DOC2B: variants seen among roughly 807,000 people sequenced by gnomAD.
DOC2B encodes double C2-like domain-containing protein beta.
A neutral mutation model predicts 28.9 loss-of-function variants in DOC2B; 21 were observed. The observed-to-expected ratio is 0.73, with a 90% CI of 0.52 to 1.05. The LOEUF is 1.05. DOC2B is among the 50% of genes least tolerant of loss of function. DOC2B has a pLI of 0.00. For synonymous variants in DOC2B, 194 were observed against 178.1 expected, an observed-to-expected ratio of 1.09 and a Z score of -0.71; for missense variants, 384 against 421.1, an observed-to-expected ratio of 0.91 and a Z score of 0.77.
intron 8 of DOC2B, among the ~76,000 whole-genome samples, 163 bp from the exon 9 acceptor site, chr17:147,740 C>T (rs1205064431): frequency 5.3e-5 from 8 of 152,200 alleles, no homozygotes; most frequent in African/African-American, 1.9e-4. Context: ...ACTCTGGCCC[C>T]GTCAGGGCCC....
At chr17:177,179 T>C (rs1437534995) in intron 1 of DOC2B, among the ~76,000 whole-genome samples, 1 of 152,158 alleles carries the variant, frequency 6.6e-6, no homozygotes, top group Non-Finnish European at 1.5e-5. Context: ...AGGCCGGCAC[T>C]GCAGGGGGGA....
chr17:152,885 T>A (rs1452399093), intron 6 of DOC2B, among the ~76,000 whole-genome samples: 2 of 152,196 alleles, frequency 1.3e-5, no homozygotes, highest in Non-Finnish European at 2.9e-5. Context: ...CCTCCCTTTC[T>A]TCTGGGGCAC....
At position 162,188 on chromosome 17, in the gene DOC2B, T is replaced by G. The variant is rs547373630; in HGVS notation, c.531A>C (p.Ala177=). The G allele has an allele frequency of 6.4e-7, 1 of 1,550,444 alleles. No homozygotes were observed. Among genetic ancestry groups the G allele is most frequent in the Non-Finnish European group, 8.7e-7 (1 of 1,145,744 alleles). Residue 177 remains alanine (A), a splice_region_variant and synonymous_variant, in exon 4 of 9, where the codon GCA becomes GCC. Transcript: ENST00000613549. ...KLHLLPGASK[A]NKLRTKTLRN... ...GGAGAGTTTTTGTTCTGAGCTTATT[T>G]GCCTGGAGAAGAGAAAAATGATCTT...
chr17:177,662 G>A (rs2040386115), intron 1 of DOC2B, among the ~76,000 whole-genome samples: 1 of 152,260 alleles, frequency 6.6e-6, no homozygotes, highest in Non-Finnish European at 1.5e-5. Context: ...CCTCAGGTCA[G>A]AGGTTGCCTC....
rs181496007 is a variant in DOC2B, at chr17:156,618, C to A, written c.766-241G>T. 2.9e-4 allele frequency among the ~76,000 whole-genome samples: 44 copies of A among 152,360 alleles called. No homozygotes were observed. In the East Asian group the frequency reaches 8.1e-3, roughly 28 times the overall value. ...CTTGGCTGCATGTGGCCTACGGTGG[C>A]CTTCACAGCCCAGCAAGGGCCAGCC... is the stretch of plus-strand genomic sequence containing the variant. On this transcript the variant is annotated intron_variant, in intron 5 of 8. Transcript: ENST00000613549.
chr17:160,251 C>T (rs961139583), intron 5 of DOC2B, among the ~76,000 whole-genome samples: 85 of 152,060 alleles, frequency 5.6e-4, no homozygotes, highest in African/African-American at 2.0e-3. Flanking sequence ...TAAGATGTTG[C>T]CTTTCTTAAG....
chr17:170,039 C>T (rs756595121), intron 2 of DOC2B, among the ~76,000 whole-genome samples: 121 of 152,332 alleles, frequency 7.9e-4, no homozygotes, highest in Non-Finnish European at 1.6e-3. Context: ...GCCCTGGTGT[C>T]TGGCATGGAG....
chr17:158,474 C>T (rs2040161581), intron 5 of DOC2B, among the ~76,000 whole-genome samples: 1 of 152,206 alleles, frequency 6.6e-6, no homozygotes, highest in Admixed American at 6.5e-5. Context: ...GTGAGGTGAG[C>T]AGGGATGTTG....
At chr17:174,869 A>T (rs766563767) in intron 1 of DOC2B, among the ~76,000 whole-genome samples, 4 of 152,204 alleles carry the variant, frequency 2.6e-5, no homozygotes, top group Admixed American at 6.5e-5. Flanking sequence ...CTGTCATCCC[A>T]GCAGTTTGGG....
At chr17:175,721 G>T (rs774544466) in intron 1 of DOC2B, among the ~76,000 whole-genome samples, 4 of 152,220 alleles carry the variant, frequency 2.6e-5, no homozygotes, top group Non-Finnish European at 5.9e-5. Context: ...ATTTCTGCCT[G>T]TTTCCCAACC....
intron 1 of DOC2B, among the ~76,000 whole-genome samples, chr17:177,866 G>T (rs928121791): frequency 6.6e-6 from 1 of 152,286 alleles, no homozygotes; most frequent in Non-Finnish European, 1.5e-5. Context: ...CTTTGTGGTG[G>T]ACTCAACCCC....
chr17:145,542 A>G lies in DOC2B; in HGVS notation c.*1899T>C, dbSNP rs982444268. The G allele has an allele frequency of 6.5e-6, 1 of 153,074 alleles. No homozygotes were observed. Among genetic ancestry groups the G allele is most frequent in the Non-Finnish European group, 1.5e-5 (1 of 68,536 alleles). 9.5% of individuals were successfully genotyped at this position (153,074 alleles called of 1,614,324 possible). Reference sequence around the variant, plus strand: ...GGCAGGGAGACAAGTCTCCAGGAGCAGCAGGTGGCCAGGGACTGTGTGGGG... The same window carrying G: ...GGCAGGGAGACAAGTCTCCAGGAGCGGCAGGTGGCCAGGGACTGTGTGGGG... On this transcript the variant is annotated 3_prime_UTR_variant, in exon 9 of 9. Transcript: ENST00000613549.
rs887885598 is a variant in DOC2B at position 143,493 on chromosome 17, G to C, written c.*3948C>G. 1 of 151,962 alleles carries C rather than the reference G, an allele frequency of 6.6e-6. No homozygotes were observed. The highest frequency in any genetic ancestry group is 2.4e-5 in the African/African-American group (1 of 41,340). The allele number at this position is 151,962 out of a possible 1,614,324, so 9.4% of individuals were successfully genotyped here. A position where few individuals can be genotyped will look rare whatever the true frequency, so the allele number is the denominator to read the frequency against. On this transcript the variant is annotated 3_prime_UTR_variant, in exon 9 of 9. Transcript: ENST00000613549. ...TGGGGCTACAGGTGTGTGCCACCACGCTAGGCTAATTGTCATTGTGTGTGT... is the reference window on the plus strand; with the variant it reads ...TGGGGCTACAGGTGTGTGCCACCACCCTAGGCTAATTGTCATTGTGTGTGT...
In DOC2B at chr17:147,201, C is replaced by A. The variant is rs1028924212; in HGVS notation, c.*240G>T. 2 of 382,296 alleles carry A rather than the reference C, an allele frequency of 5.2e-6. No homozygotes were observed. Among genetic ancestry groups the A allele is most frequent in the South Asian group, 1.5e-4 (1 of 6,878 alleles). The allele number at this position is 382,296 out of a possible 1,614,324, so 23.7% of individuals were successfully genotyped here. A position where few individuals can be genotyped will look rare whatever the true frequency, so the allele number is the denominator to read the frequency against. ...GGCAGGTGCTGAGGTCTCTTTCCAC[C>A]ACCGGCCTCTTGGGCCCCAGAGAGC... On this transcript the variant is annotated 3_prime_UTR_variant, in exon 9 of 9. Transcript: ENST00000613549.
chr17:150,758 G>A (rs2040063880), intron 6 of DOC2B, among the ~76,000 whole-genome samples: 1 of 152,154 alleles, frequency 6.6e-6, no homozygotes, highest in Admixed American at 6.5e-5. Context: ...ACCAAAAATT[G>A]CAAACAACCA....
intron 5 of DOC2B, 22 bp from the exon 6 acceptor site, chr17:156,399 C>T: frequency 1.3e-6 from 2 of 1,549,654 alleles, no homozygotes; most frequent in South Asian, 2.4e-5. Context: ...GACGGTCACT[C>T]AGTCCTCACC....
chr17:173,897 G>T (rs896548634), intron 1 of DOC2B, among the ~76,000 whole-genome samples: 1 of 152,144 alleles, frequency 6.6e-6, no homozygotes, highest in Non-Finnish European at 1.5e-5. Context: ...ATCCAATTAC[G>T]GCCACACCTG....
intron 2 of DOC2B, among the ~76,000 whole-genome samples, chr17:170,639 A>G (rs1357416524): frequency 1.3e-5 from 2 of 152,178 alleles, no homozygotes; most frequent in African/African-American, 4.8e-5. Flanking sequence ...ACCTTGCGAG[A>G]GAACATCAAT....
chr17:180,287 C>G (rs1235251735), intron 1 of DOC2B, among the ~76,000 whole-genome samples: 3 of 152,180 alleles, frequency 2.0e-5, no homozygotes, highest in Non-Finnish European at 4.4e-5. Flanking sequence ...GACAGGCACC[C>G]TCGGGGACGG....
Sources: gnomAD v4.1 joint callset for allele counts (sites outside exome capture counted in the v4.1 genomes callset) on GRCh38, gnomAD v4.1.1 for gene constraint, MANE v1.5 for transcripts, NCBI Gene and HGNC (gene_info 2026-07-23, HGNC 2026-07-21) for gene names.